Variants in GSE1 observed in about 807,000 individuals in gnomAD.
GSE1 encodes the protein genetic suppressor element 1.
GSE1 carries 32 observed loss-of-function variants against 112.6 expected under a neutral mutation model. The observed-to-expected ratio is 0.28, with a 90% CI of 0.21 to 0.38. The LOEUF is 0.38. Among genes scored for constraint, GSE1 ranks in the 10% least tolerant of loss-of-function variants. The probability of loss-of-function intolerance (pLI) is 1.00; values close to 1 mark genes in which losing one functional copy is unlikely to be tolerated. For synonymous variants in GSE1, 1,115 were observed against 735.6 expected (o/e 1.52, Z -8.35); for missense variants, 2,348 against 1,699.2 (o/e 1.38, Z -6.71).
chr16:85,656,225 C>T (rs1012674343), intron 6 of GSE1, 118 bp from the exon 7 acceptor site: 41 of 1,275,724 alleles, frequency 3.2e-5, no homozygotes, highest in East Asian at 4.6e-5. Context: ...GCTCACCTCC[C>T]GTCACTGTTC....
intron 2 of GSE1, among the ~76,000 whole-genome samples, chr16:85,494,393 A>G (rs1020129124): frequency 5.9e-5 from 9 of 151,578 alleles, no homozygotes; most frequent in African/African-American, 2.2e-4. Flanking sequence ...CTATTCCAAA[A>G]TGACCTTATC....
In GSE1 at chr16:85,231,572, A is replaced by C. The variant is rs1305916188; in HGVS notation, c.2283+59765A>C. ...AGACAGGTGGAAGTGTAGATGAATG[A>C]GTAGATGATAGATGGACCAGTGGTT... On this transcript the variant is annotated intron_variant, in intron 1 of 2. Coordinates refer to the GSE1 transcript ENST00000637419. 2.6e-5 allele frequency among the ~76,000 whole-genome samples: 4 copies of C among 152,128 alleles called. No individual in the cohort carries two copies. The East Asian group carries it at 5.8e-4, about 22-fold the overall frequency.
intron 2 of GSE1, among the ~76,000 whole-genome samples, chr16:85,488,306 G>A (rs112721565): frequency 4.5e-4 from 69 of 152,224 alleles, no homozygotes; most frequent in African/African-American, 1.4e-3. Flanking sequence ...GCCCGCCTCC[G>A]TTTATTAAGC....
intron 2 of GSE1, among the ~76,000 whole-genome samples, chr16:85,514,698 G>A (rs1375837512): frequency 5.9e-5 from 9 of 152,080 alleles, no homozygotes; most frequent in Admixed American, 5.2e-4. Context: ...CAGGATGGAG[G>A]TTTCCCAAGT....
intron 2 of GSE1, among the ~76,000 whole-genome samples, chr16:85,525,013 T>C (rs2052317548): frequency 6.6e-6 from 1 of 152,114 alleles, no homozygotes; most frequent in Middle Eastern, 3.2e-3. Context: ...CTCCCTGGGG[T>C]GATCCGGCCG....
chr16:85,305,292 G>A (rs532205055), intron 1 of GSE1, among the ~76,000 whole-genome samples: 1 of 152,136 alleles, frequency 6.6e-6, no homozygotes, highest in African/African-American at 2.4e-5. Context: ...TGATGATGAT[G>A]ATTATTATTA....
chr16:85,300,708 C>A (rs1021547338), intron 1 of GSE1, among the ~76,000 whole-genome samples: 2 of 152,258 alleles, frequency 1.3e-5, no homozygotes, highest in African/African-American at 4.8e-5. Flanking sequence ...CACTTTGGAG[C>A]AGCCGCTCTG....
intron 1 of GSE1, among the ~76,000 whole-genome samples, chr16:85,615,260 C>T (rs950704690): frequency 6.6e-6 from 1 of 152,148 alleles, no homozygotes; most frequent in Non-Finnish European, 1.5e-5. Flanking sequence ...TGTGTCATCC[C>T]GGCCGCCGGC....
chr16:85,171,366 C>G, exon 1 of GSE1: 4 of 985,652 alleles, frequency 4.1e-6, no homozygotes, highest in Non-Finnish European at 4.8e-6. Context: ...ACCCCGCCAG[C>G]CGCTTGGGCG....
At chr16:85,393,838 T>A (rs926155319) in intron 2 of GSE1, among the ~76,000 whole-genome samples, 22 of 152,062 alleles carry the variant, frequency 1.4e-4, no homozygotes, top group Admixed American at 1.4e-3. Flanking sequence ...GGGCTTGAGG[T>A]TCCCCACCAC....
intron 8 of GSE1, among the ~76,000 whole-genome samples, chr16:85,658,985 G>A (rs948028312): frequency 6.6e-6 from 1 of 152,232 alleles, no homozygotes; most frequent in Non-Finnish European, 1.5e-5. Flanking sequence ...TTACAGCATT[G>A]TGAACTTGGG....
At chr16:85,540,936 T>C (rs372285796) in intron 2 of GSE1, among the ~76,000 whole-genome samples, 6 of 152,218 alleles carry the variant, frequency 3.9e-5, no homozygotes, top group African/African-American at 1.2e-4. Flanking sequence ...TACATTCTTA[T>C]CTAGTTTTTT....
chr16:85,186,297 C>T (rs1399540000), intron 1 of GSE1, among the ~76,000 whole-genome samples: 1 of 151,980 alleles, frequency 6.6e-6, no homozygotes, highest in Non-Finnish European at 1.5e-5. Flanking sequence ...TAGTGAGACC[C>T]CATATGTACA....
upstream of GSE1, chr16:85,555,484 C>T (rs1261075681): frequency 1.0e-6 from 1 of 985,046 alleles, no homozygotes; most frequent in Non-Finnish European, 1.2e-6. Flanking sequence ...GCAATCGCCG[C>T]CTCTTTTATT....
chr16:85,543,662 C>G (rs1179591931), intron 2 of GSE1, among the ~76,000 whole-genome samples: 1 of 152,160 alleles, frequency 6.6e-6, no homozygotes, highest in African/African-American at 2.4e-5. Flanking sequence ...TTCAGCCCCT[C>G]TAAATTTGTA....
Position 85,661,498 on chromosome 16 carries a change from C to G in GSE1, c.1993C>G (p.Gln665Glu). 1.2e-6 allele frequency: 2 copies of G among 1,611,956 alleles called. No homozygotes were observed. The highest frequency in any genetic ancestry group is 1.7e-6 in the Non-Finnish European group (2 of 1,179,606). The change falls in exon 9 of 16, where the codon CAG (glutamine) becomes GAG (glutamate). Residue 665 changes from glutamine to glutamate, a missense_variant. Physicochemically the swap from Gln to Glu is conservative, Grantham distance 29 (BLOSUM62 2). Transcript: ENST00000253458. The stretch of plus-strand genomic sequence containing the variant: ...ACGAGAGGGAGGGAGCCTGGAGCAC[C>G]AGCCCTTCCTGCCCGGGCCCGGGCC... ...PPREGGSLEH[Q>E]PFLPGPGPFL...
At chr16:85,506,699 T>C (rs1449809128) in intron 2 of GSE1, among the ~76,000 whole-genome samples, 3 of 152,114 alleles carry the variant, frequency 2.0e-5, no homozygotes, top group Non-Finnish European at 4.4e-5. Context: ...GCCGTAATCA[T>C]AACAACTGCT....
chr16:85,463,145 C>A, intron 2 of GSE1: 1 of 981,080 alleles, frequency 1.0e-6, no homozygotes, highest in Non-Finnish European at 1.2e-6. Context: ...CAGCTCACCG[C>A]CCCGTGGACG....
intron 2 of GSE1, among the ~76,000 whole-genome samples, chr16:85,520,160 G>A (rs376972114): frequency 5.3e-5 from 8 of 152,300 alleles, no homozygotes; most frequent in African/African-American, 1.7e-4. Context: ...GTTTGGTGAG[G>A]GCTCACCTCG....
Sources: gnomAD v4.1 joint callset for allele counts (sites outside exome capture counted in the v4.1 genomes callset) on GRCh38, gnomAD v4.1.1 for gene constraint, MANE v1.5 for transcripts, NCBI Gene and HGNC (gene_info 2026-07-23, HGNC 2026-07-21) for gene names.